Variants in FAT3 observed in about 807,000 individuals in gnomAD.
The protein encoded by FAT3 is FAT atypical cadherin 3.
FAT3 carries 95 observed loss-of-function variants against 310.2 expected under a neutral mutation model. The ratio of observed to expected loss-of-function variants is 0.31; its 90% CI spans 0.26 to 0.36. FAT3 has a LOEUF of 0.36. FAT3 is among the 10% of genes least tolerant of loss of function. The probability of loss-of-function intolerance (pLI) is 1.00; values close to 1 mark genes in which losing one functional copy is unlikely to be tolerated. For synonymous variants in FAT3, 2,314 were observed against 2,192.9 expected, an observed-to-expected ratio of 1.06 and a Z score of -1.54; for missense variants, 5,408 against 5,715.6, an observed-to-expected ratio of 0.95 and a Z score of 1.74.
intron 19 of FAT3, among the ~76,000 whole-genome samples, chr11:92,851,173 G>A (rs931770896): frequency 1.3e-5 from 2 of 152,092 alleles, no homozygotes; most frequent in South Asian, 2.1e-4. Context: ...TTCATATTTC[G>A]TATCACCTAC....
chr11:92,853,316 G>T (rs1156314564), intron 19 of FAT3, among the ~76,000 whole-genome samples: 2 of 152,224 alleles, frequency 1.3e-5, no homozygotes, highest in Non-Finnish European at 2.9e-5. Context: ...CATGGCTTCT[G>T]CTGCAGGCAC....
At chr11:92,561,306 C>A (rs1955218714) in intron 3 of FAT3, among the ~76,000 whole-genome samples, 1 of 149,282 alleles carries the variant, frequency 6.7e-6, no homozygotes, top group South Asian at 2.1e-4. Context: ...CAAAATGCTT[C>A]CATTATGATG....
intron 2 of FAT3, among the ~76,000 whole-genome samples, chr11:92,385,190 C>G (rs967350143): frequency 2.6e-5 from 4 of 152,218 alleles, no homozygotes; most frequent in Non-Finnish European, 1.5e-5. Context: ...ACTTCTCTTT[C>G]TACAGTCAGG....
chr11:92,874,136 A>T (rs943585288), intron 22 of FAT3, among the ~76,000 whole-genome samples: 4 of 152,192 alleles, frequency 2.6e-5, no homozygotes, highest in African/African-American at 9.6e-5. Flanking sequence ...CAAGAAAAAA[A>T]ATCAATTTTT....
At chr11:92,701,448 T>C (rs1239644472) in intron 4 of FAT3, among the ~76,000 whole-genome samples, 14 of 152,234 alleles carry the variant, frequency 9.2e-5, no homozygotes. Context: ...TCCAAAGACT[T>C]GCTAAAGCAA....
chr11:92,781,490 T>C (rs574434860), intron 7 of FAT3, among the ~76,000 whole-genome samples: 2 of 152,290 alleles, frequency 1.3e-5, no homozygotes, highest in Admixed American at 6.5e-5. Context: ...TAGGTATACA[T>C]AGGTAAAGAG....
At chr11:92,600,503 C>T (rs534366595) in intron 3 of FAT3, among the ~76,000 whole-genome samples, 2 of 152,306 alleles carry the variant, frequency 1.3e-5, no homozygotes, top group African/African-American at 4.8e-5. Flanking sequence ...AGAGAAGCTT[C>T]ATAGAATAAG....
intron 2 of FAT3, among the ~76,000 whole-genome samples, chr11:92,457,425 T>G (rs1178036210): frequency 1.3e-5 from 2 of 152,100 alleles, no homozygotes; most frequent in Non-Finnish European, 2.9e-5. Context: ...GTATTCACAC[T>G]GGGGAGCCTC....
chr11:92,593,105 A>C (rs1679202125), intron 3 of FAT3, among the ~76,000 whole-genome samples: 1 of 152,110 alleles, frequency 6.6e-6, no homozygotes, highest in African/African-American at 2.4e-5. Flanking sequence ...TAATGTCCTC[A>C]AGGTTTATCC....
chr11:92,696,925 C>T (rs941554370), intron 3 of FAT3, among the ~76,000 whole-genome samples: 2 of 152,256 alleles, frequency 1.3e-5, no homozygotes, highest in African/African-American at 4.8e-5. Flanking sequence ...TTACAACATT[C>T]TTTGTCAAGT....
intron 3 of FAT3, among the ~76,000 whole-genome samples, chr11:92,598,074 G>A (rs1239722658): frequency 6.6e-6 from 1 of 151,812 alleles, no homozygotes; most frequent in Non-Finnish European, 1.5e-5. Flanking sequence ...ACATGATTTT[G>A]TCTGTACCAG....
intron 3 of FAT3, among the ~76,000 whole-genome samples, chr11:92,624,854 A>G (rs1941252542): frequency 6.6e-6 from 1 of 152,170 alleles, no homozygotes; most frequent in Non-Finnish European, 1.5e-5. Context: ...TCTTCTGAGG[A>G]CTCTGAGAGA....
intron 13 of FAT3, among the ~76,000 whole-genome samples, chr11:92,829,247 G>GA (rs1356162834): frequency 6.6e-6 from 1 of 152,190 alleles, no homozygotes; most frequent in Non-Finnish European, 1.5e-5. Flanking sequence ...CAGTGAAATG[G>GA]ATTTTGTAGT....
intron 22 of FAT3, among the ~76,000 whole-genome samples, chr11:92,875,467 C>G (rs1949508510): frequency 6.6e-6 from 1 of 150,848 alleles, no homozygotes; most frequent in African/African-American, 2.4e-5. Context: ...TTCTCTGTAC[C>G]TCAGCTGCCT....
At chr11:92,411,142 A>G (rs1399563276) in intron 2 of FAT3, among the ~76,000 whole-genome samples, 1 of 80,382 alleles carries the variant, frequency 1.2e-5, no homozygotes, top group East Asian at 5.0e-4. Context: ...TATATTATAT[A>G]TATAAATTAT....
intron 2 of FAT3, among the ~76,000 whole-genome samples, chr11:92,372,706 G>A (rs1366555345): frequency 6.6e-6 from 1 of 152,028 alleles, no homozygotes; most frequent in Non-Finnish European, 1.5e-5. Flanking sequence ...TGTCACCCAG[G>A]CTGGTGTGCA....
intron 3 of FAT3, among the ~76,000 whole-genome samples, chr11:92,547,583 G>A (rs1954655948): frequency 2.0e-5 from 3 of 152,148 alleles, no homozygotes; most frequent in South Asian, 2.1e-4. Flanking sequence ...GTACCAGCAC[G>A]AGGTAGAGGG....
chr11:92,295,806 C>T (rs1286446593), intron 1 of FAT3, among the ~76,000 whole-genome samples: 1 of 152,064 alleles, frequency 6.6e-6, no homozygotes, highest in Non-Finnish European at 1.5e-5. Flanking sequence ...CAACAATGTT[C>T]ATTCTTGGAT....
chr11:92,257,233 CT>C (rs1865353383), intron 1 of FAT3, among the ~76,000 whole-genome samples: 1 of 152,078 alleles, frequency 6.6e-6, no homozygotes. Context: ...CCATTTGTAC[CT>C]AGGATTGTCT....
Sources: allele counts gnomAD v4.1 joint callset (sites outside exome capture counted in the v4.1 genomes callset), GRCh38; gene constraint gnomAD v4.1.1; transcripts MANE v1.5; gene names NCBI Gene and HGNC (gene_info 2026-07-23, HGNC 2026-07-21).